FMN1: variants seen among roughly 807,000 people sequenced by gnomAD.
FMN1 encodes the protein formin 1, also known as formin-1.
FMN1 carries 110 observed loss-of-function variants against 132.4 expected under a neutral mutation model. The ratio of observed to expected loss-of-function variants is 0.83; its 90% confidence interval spans 0.71 to 0.97. The LOEUF (loss-of-function observed/expected upper bound fraction) is 0.97. FMN1 is among the 50% of genes least tolerant of loss of function. The pLI is 0.00. For missense variants in FMN1, 1,792 were observed against 1,705.3 expected (o/e 1.05, Z -0.90); for synonymous variants, 722 against 651.7 (o/e 1.11, Z -1.64).
intron 7 of FMN1, among the ~76,000 whole-genome samples, chr15:32,983,424 T>C (rs1430761392): frequency 6.6e-6 from 1 of 152,262 alleles, no homozygotes; most frequent in Non-Finnish European, 1.5e-5. Flanking sequence ...TTCTACATCC[T>C]GATTGTAGTA....
At chr15:33,040,676 A>T (rs1273931788) in intron 6 of FMN1, among the ~76,000 whole-genome samples, 2 of 152,248 alleles carry the variant, frequency 1.3e-5, no homozygotes, top group South Asian at 4.1e-4. Context: ...ACCACCAGAT[A>T]GAATATGTGC....
intron 16 of FMN1, among the ~76,000 whole-genome samples, chr15:32,876,160 G>A (rs1019200316): frequency 1.3e-4 from 20 of 152,182 alleles, no homozygotes; most frequent in African/African-American, 4.3e-4. Flanking sequence ...TCCAGCTATC[G>A]AGCAGAATCC....
intron 17 of FMN1, among the ~76,000 whole-genome samples, chr15:32,845,946 C>T (rs1463614351): frequency 6.7e-6 from 1 of 150,078 alleles, no homozygotes; most frequent in Non-Finnish European, 1.5e-5. Flanking sequence ...TTACTATTCC[C>T]ATTTTACAGA....
At chr15:33,098,276 G>A (rs1417955817) in intron 4 of FMN1, among the ~76,000 whole-genome samples, 3 of 152,162 alleles carry the variant, frequency 2.0e-5, no homozygotes, top group Non-Finnish European at 2.9e-5. Context: ...TAGGGCTGAT[G>A]GCATTTCTCC....
At chr15:32,998,169 C>G (rs899245533) in intron 7 of FMN1, among the ~76,000 whole-genome samples, 4 of 152,180 alleles carry the variant, frequency 2.6e-5, no homozygotes, top group Non-Finnish European at 5.9e-5. Context: ...AATGAATAAA[C>G]GTCTCTGGGC....
intron 5 of FMN1, among the ~76,000 whole-genome samples, chr15:33,084,903 G>A (rs1306894678): frequency 4.6e-5 from 7 of 152,194 alleles, no homozygotes; most frequent in Non-Finnish European, 1.0e-4. Context: ...GTACTAATGA[G>A]AGTCAGTGTA....
rs1317773645 is a variant in FMN1, at chr15:32,994,251, G to GAC, written c.2223+13761_2223+13762dup. Reference sequence around the variant, plus strand: ...TCTCTCTCACACACACACACACACAGACACACACACACACGTAACCTGGGT... The same window carrying GAC: ...TCTCTCTCACACACACACACACACAGACACACACACACACACGTAACCTGGGT... On this transcript the variant is annotated intron_variant, in intron 7 of 20. Coordinates refer to ENST00000616417, the MANE Select transcript of FMN1 (RefSeq NM_001277313.2). Among the ~76,000 whole-genome samples, 78 of 132,040 alleles carry GAC rather than the reference G, an allele frequency of 5.9e-4. 1 individual carries two copies. The highest frequency in any genetic ancestry group is 2.1e-3 in the African/African-American group (73 of 34,470). The allele number at this position is 132,040 out of a possible 152,430, so 86.6% of individuals were successfully genotyped here.
At chr15:33,009,445 C>T (rs2034589757) in intron 6 of FMN1, among the ~76,000 whole-genome samples, 1 of 152,102 alleles carries the variant, frequency 6.6e-6, no homozygotes, top group Admixed American at 6.6e-5. Context: ...GTCCTGGTTC[C>T]TACATATCTC....
intron 2 of FMN1, among the ~76,000 whole-genome samples, chr15:33,190,157 T>C (rs1357173924): frequency 6.6e-6 from 1 of 152,146 alleles, no homozygotes; most frequent in Non-Finnish European, 1.5e-5. Flanking sequence ...AAATACTTTC[T>C]CCATTCTGGC....
rs571199247 is a variant in FMN1 at position 32,843,625 on chromosome 15, C to T, written c.3928+13390G>A. On this transcript the variant is annotated intron_variant, in intron 17 of 20. Coordinates refer to ENST00000616417, the MANE Select transcript of FMN1 (RefSeq NM_001277313.2). ...AGAATTACTATATTACAATTACTCA[C>T]GCCACATTTTATTTATTTCAGCAAG... Among the ~76,000 whole-genome samples the T allele has an allele frequency of 9.9e-5, 15 of 152,272 alleles. 1 individual carries two copies. The South Asian group carries it at 2.3e-3, about 23-fold the overall frequency.
intron 7 of FMN1, among the ~76,000 whole-genome samples, chr15:32,971,087 G>A (rs947839628): frequency 6.6e-6 from 1 of 152,176 alleles, no homozygotes; most frequent in Non-Finnish European, 1.5e-5. Context: ...CTCAGACAGG[G>A]AACGCTGTGT....
chr15:32,864,832 C>A (rs1002580486), intron 16 of FMN1, among the ~76,000 whole-genome samples: 1 of 152,102 alleles, frequency 6.6e-6, no homozygotes, highest in African/African-American at 2.4e-5. Flanking sequence ...TTAGTATACT[C>A]CAAGAAGTAG....
intron 7 of FMN1, among the ~76,000 whole-genome samples, chr15:32,983,137 T>C (rs1045732010): frequency 5.9e-5 from 9 of 151,886 alleles, no homozygotes; most frequent in Non-Finnish European, 2.9e-5. Context: ...GGTGAAAAAA[T>C]AAAACTGCGG....
At chr15:32,853,673 A>G (rs1318111298) in intron 17 of FMN1, among the ~76,000 whole-genome samples, 1 of 152,234 alleles carries the variant, frequency 6.6e-6, no homozygotes, top group Admixed American at 6.5e-5. Context: ...CAGCCCCTAC[A>G]TCATAGCATA....
chr15:32,954,689 A>G (rs1453549675), intron 9 of FMN1, among the ~76,000 whole-genome samples: 5 of 152,242 alleles, frequency 3.3e-5, no homozygotes, highest in African/African-American at 9.6e-5. Context: ...TTAAATGCAG[A>G]CGAATGCCCA....
At chr15:32,824,014 T>C (rs529191619) in intron 17 of FMN1, among the ~76,000 whole-genome samples, 2 of 152,320 alleles carry the variant, frequency 1.3e-5, no homozygotes, top group East Asian at 3.9e-4. Flanking sequence ...TAAAATGGCA[T>C]GTGTGATTAA....
At chr15:32,934,983 A>T (rs1466224028) in intron 9 of FMN1, among the ~76,000 whole-genome samples, 2 of 149,780 alleles carry the variant, frequency 1.3e-5, no homozygotes, top group Non-Finnish European at 3.0e-5. Context: ...GTGCAATGGC[A>T]TGATCTCCAC....
At chr15:33,018,616 C>G (rs1036296064) in intron 6 of FMN1, among the ~76,000 whole-genome samples, 11 of 152,180 alleles carry the variant, frequency 7.2e-5, no homozygotes, top group African/African-American at 1.9e-4. Context: ...CTATGCATCT[C>G]TTCATCTGTA....
intron 4 of FMN1, among the ~76,000 whole-genome samples, chr15:33,112,343 C>T (rs2039741225): frequency 6.6e-6 from 1 of 152,164 alleles, no homozygotes; most frequent in East Asian, 1.9e-4. Flanking sequence ...TATTTAAAAA[C>T]ACCTATCTCT....
Sources: allele counts gnomAD v4.1 joint callset (sites outside exome capture counted in the v4.1 genomes callset), GRCh38; gene constraint gnomAD v4.1.1; transcripts MANE v1.5; gene names NCBI Gene and HGNC (gene_info 2026-07-23, HGNC 2026-07-21).